NAV2: variants seen among roughly 807,000 people sequenced by gnomAD.
The protein encoded by NAV2 is helicase, APC down-regulated 1.
NAV2 carries 54 observed loss-of-function variants against 223.2 expected under a neutral mutation model. The ratio of observed to expected loss-of-function variants is 0.24; its 90% CI spans 0.19 to 0.30. The LOEUF (loss-of-function observed/expected upper bound fraction) is 0.30. Ranked by LOEUF, NAV2 falls within the 10% of genes least tolerant of loss-of-function variation. NAV2 has a pLI of 1.00. For synonymous variants in NAV2, 1,279 were observed against 1,239.3 expected (o/e 1.03, Z -0.67); for missense variants, 2,806 against 3,147.5 (o/e 0.89, Z 2.60).
In NAV2 at chr11:19,686,339, G is replaced by A. The variant is rs140424402; in HGVS notation, c.76-146145G>A. ...CCCAGACTGGGAGCTCCAGGAAGGT[G>A]GGATCCTTCTTATTTCCCAGTTGTC... On this transcript the variant is annotated intron_variant, in intron 1 of 37. Transcript: ENST00000360655. Among the ~76,000 whole-genome samples the A allele has an allele frequency of 5.1e-3, 772 of 152,250 alleles. 4 individuals carry two copies. Among genetic ancestry groups the A allele is most frequent in the African/African-American group, 0.018 (733 of 41,542 alleles).
At chr11:19,945,430 A>G (rs971709481) in intron 8 of NAV2, among the ~76,000 whole-genome samples, 12 of 151,198 alleles carry the variant, frequency 7.9e-5, no homozygotes, top group Admixed American at 6.6e-5. Flanking sequence ...GCTGGATTGC[A>G]ATGGCACAAT....
intron 1 of NAV2, among the ~76,000 whole-genome samples, chr11:19,695,138 C>T (rs1477530310): frequency 2.0e-5 from 3 of 152,232 alleles, no homozygotes; most frequent in Non-Finnish European, 4.4e-5. Flanking sequence ...TGCCTCTTTG[C>T]TCACTCCCCT....
intron 1 of NAV2, among the ~76,000 whole-genome samples, chr11:19,364,124 C>T (rs913672854): frequency 2.0e-5 from 3 of 152,164 alleles, no homozygotes; most frequent in African/African-American, 7.2e-5. Flanking sequence ...TGGCAGCCAG[C>T]CCCCATCCTG....
At chr11:19,816,761 A>G (rs1435229747) in intron 1 of NAV2, among the ~76,000 whole-genome samples, 1 of 152,192 alleles carries the variant, frequency 6.6e-6, no homozygotes, top group South Asian at 2.1e-4. Flanking sequence ...TCAGTGCTTT[A>G]TGGTCCATTG....
intron 1 of NAV2, among the ~76,000 whole-genome samples, chr11:19,651,467 C>T (rs1285800891): frequency 6.6e-6 from 1 of 152,192 alleles, no homozygotes; most frequent in African/African-American, 2.4e-5. Context: ...TTGGAATGTC[C>T]TTCACTGCAC....
chr11:19,672,901 C>G (rs2048609712), intron 1 of NAV2, among the ~76,000 whole-genome samples: 1 of 152,220 alleles, frequency 6.6e-6, no homozygotes, highest in African/African-American at 2.4e-5. Flanking sequence ...GGGAAGAGTT[C>G]CCATGGGGCA....
At chr11:19,901,059 G>GACTGTTGTCTCTCA (rs2042405026) in intron 6 of NAV2, among the ~76,000 whole-genome samples, 1 of 152,208 alleles carries the variant, frequency 6.6e-6, no homozygotes, top group Non-Finnish European at 1.5e-5. Flanking sequence ...CTCTCAAGGT[G>GACTGTTGTCTCTCA]TGATTCATGA....
chr11:19,380,883 A>G (rs2031154098), intron 1 of NAV2, among the ~76,000 whole-genome samples: 1 of 152,198 alleles, frequency 6.6e-6, no homozygotes, highest in Non-Finnish European at 1.5e-5. Flanking sequence ...TGCTAAAACC[A>G]GGAAAATCTG....
upstream of NAV2, among the ~76,000 whole-genome samples, chr11:19,347,662 C>T (rs1032025850): frequency 2.6e-5 from 4 of 152,178 alleles, no homozygotes; most frequent in Non-Finnish European, 4.4e-5. Flanking sequence ...TTTCTCCTTT[C>T]CCTTGCAGCC....
intron 1 of NAV2, among the ~76,000 whole-genome samples, chr11:19,737,894 A>G (rs1311767680): frequency 1.3e-5 from 2 of 152,242 alleles, no homozygotes; most frequent in Non-Finnish European, 2.9e-5. Context: ...TGGTGAAACC[A>G]CTGACAATCT....
At chr11:19,932,379 A>G (rs2045455428) in intron 6 of NAV2, among the ~76,000 whole-genome samples, 1 of 151,446 alleles carries the variant, frequency 6.6e-6, no homozygotes, top group Non-Finnish European at 1.5e-5. Context: ...TCTTTTTCCC[A>G]GGCTGGAGTA....
chr11:19,438,927 C>T (rs768840135), intron 1 of NAV2, among the ~76,000 whole-genome samples: 23 of 151,648 alleles, frequency 1.5e-4, no homozygotes, highest in Non-Finnish European at 2.9e-4. Flanking sequence ...CATTAAGTGG[C>T]ATAATTGATT....
intron 1 of NAV2, among the ~76,000 whole-genome samples, chr11:19,467,917 C>T (rs758801902): frequency 6.6e-6 from 1 of 152,124 alleles, no homozygotes; most frequent in Non-Finnish European, 1.5e-5. Context: ...GCTTCATAGC[C>T]ATGGAAGCAT....
At chr11:19,467,124 C>T in intron 1 of NAV2, among the ~76,000 whole-genome samples, 1 of 152,092 alleles carries the variant, frequency 6.6e-6, no homozygotes, top group East Asian at 1.9e-4. Flanking sequence ...AATTCTCTAG[C>T]TCAATTTTTC....
chr11:20,103,617 G>C, intron 33 of NAV2, 36 bp from the exon 34 acceptor site: 1 of 1,608,616 alleles, frequency 6.2e-7, no homozygotes, highest in Non-Finnish European at 8.5e-7. Flanking sequence ...GCTTGGCTTG[G>C]AATCACAGCT....
At position 20,068,822 on chromosome 11, in the gene NAV2, T is replaced by C. The variant is rs150542050; in HGVS notation, c.4983+424T>C. Among the ~76,000 whole-genome samples the C allele has an allele frequency of 8.5e-5, 13 of 152,334 alleles. No homozygotes were observed. In the East Asian group the frequency reaches 1.2e-3, roughly 14 times the overall value. ...CTAGGTAGCTGCTCTGTCATTGTGA[T>C]ATACACGATTATGAGTTTAGGAGAT... On this transcript the variant is annotated intron_variant, in intron 22 of 37. Transcript: ENST00000349880.
chr11:20,078,223 G>A lies in NAV2; in HGVS notation c.5179+119G>A, dbSNP rs184278388. Reference sequence around the variant, plus strand: ...CAGTGTCTGCGTAATTCAGCTCCATGTCAGGCAAGCAGGAACTGGAAGGCA... The same window carrying A: ...CAGTGTCTGCGTAATTCAGCTCCATATCAGGCAAGCAGGAACTGGAAGGCA... On this transcript the variant is annotated intron_variant, in intron 24 of 37. Coordinates refer to ENST00000349880, the MANE Select transcript of NAV2 (RefSeq NM_145117.5). 3,214 of 733,496 alleles carry A rather than the reference G, an allele frequency of 4.4e-3. 24 individuals carry two copies. The highest frequency in any genetic ancestry group is 8.0e-3 in the Admixed American group (284 of 35,346). 45.4% of individuals were successfully genotyped at this position (733,496 alleles called of 1,614,324 possible).
chr11:19,367,228 C>G lies in NAV2; in HGVS notation c.75+16201C>G, dbSNP rs546816777. Among the ~76,000 whole-genome samples, 7 of 152,310 alleles carry G rather than the reference C, an allele frequency of 4.6e-5. No individual in the cohort carries two copies. In the South Asian group the frequency reaches 1.5e-3, roughly 32 times the overall value. ...TGATTGTGCTGACCTATTTGTCCAC[C>G]TTTAAGATTCAGATTGGAGTTGCCT... On this transcript the variant is annotated intron_variant, in intron 1 of 37. Transcript: ENST00000360655.
chr11:20,023,287 T>TGGGGGGGTGGGGGGGGGG (rs1591705120), intron 11 of NAV2, among the ~76,000 whole-genome samples: 1 of 6,958 alleles, frequency 1.4e-4, no homozygotes, highest in African/African-American at 5.1e-4. Flanking sequence ...TGAGTGGGGG[T>TGGGGGGGTGGGGGGGGGG]GGGAGGGGGC....
Sources: allele counts gnomAD v4.1 joint callset (sites outside exome capture counted in the v4.1 genomes callset), GRCh38; gene constraint gnomAD v4.1.1; transcripts MANE v1.5; gene names NCBI Gene and HGNC (gene_info 2026-07-23, HGNC 2026-07-21).